Variants in TENM4 observed in about 807,000 individuals in gnomAD.
TENM4 encodes teneurin transmembrane protein 4.
Under a neutral mutation model 243.3 loss-of-function variants are expected in TENM4, and 82 were observed. The ratio of observed to expected loss-of-function variants is 0.34; its 90% confidence interval spans 0.28 to 0.40. The LOEUF is 0.40. Among genes scored for constraint, TENM4 ranks in the 10% least tolerant of loss-of-function variants. The pLI, the probability that TENM4 is intolerant of heterozygous loss-of-function variation, is 1.00. For synonymous variants in TENM4, 1,412 were observed against 1,456.3 expected, an observed-to-expected ratio of 0.97 and a Z score of 0.69; for missense variants, 3,138 against 3,673.3, an observed-to-expected ratio of 0.85 and a Z score of 3.77.
At chr11:78,833,396 A>G (rs1244240587) in intron 12 of TENM4, among the ~76,000 whole-genome samples, 1 of 152,206 alleles carries the variant, frequency 6.6e-6, no homozygotes, top group African/African-American at 2.4e-5. Flanking sequence ...AATCTAATGG[A>G]AAGGCGTCAT....
Position 79,305,753 on chromosome 11 carries a change from C to T in TENM4, c.-320-8210G>A, listed in dbSNP as rs762861790. ...TTGAGATAATCAGTCTGGCTGCATT[C>T]GAGACAGACTAGAGGGATGAGGCTA... On this transcript the variant is annotated intron_variant, in intron 1 of 33. Coordinates refer to ENST00000278550, the MANE Select transcript of TENM4 (RefSeq NM_001098816.3). Among the ~76,000 whole-genome samples the T allele has an allele frequency of 3.3e-5, 5 of 152,152 alleles. No homozygotes were observed. In the East Asian group the frequency reaches 5.8e-4, roughly 18 times the overall value.
intron 6 of TENM4, among the ~76,000 whole-genome samples, chr11:78,967,797 C>T (rs1857467524): frequency 6.6e-6 from 1 of 152,196 alleles, no homozygotes; most frequent in South Asian, 2.1e-4. Flanking sequence ...TCACACCCGA[C>T]TCCAACAACC....
At chr11:78,986,545 G>T (rs1217345628) in intron 6 of TENM4, among the ~76,000 whole-genome samples, 6 of 152,070 alleles carry the variant, frequency 3.9e-5, no homozygotes, top group African/African-American at 1.2e-4. Flanking sequence ...GGTTCTTTGG[G>T]TGACTGCCAG....
intron 1 of TENM4, among the ~76,000 whole-genome samples, chr11:79,376,176 G>A (rs1252118264): frequency 6.6e-6 from 1 of 152,210 alleles, no homozygotes; most frequent in Non-Finnish European, 1.5e-5. Context: ...TGGAAGACAA[G>A]CCCTGTCAGC....
At chr11:79,253,672 G>A (rs896637173) in intron 2 of TENM4, among the ~76,000 whole-genome samples, 3 of 152,170 alleles carry the variant, frequency 2.0e-5, no homozygotes, top group African/African-American at 7.2e-5. Flanking sequence ...TTTCTGTGGG[G>A]TGGGAATGGG....
At chr11:79,234,464 G>A (rs775614760) in intron 2 of TENM4, among the ~76,000 whole-genome samples, 7 of 150,496 alleles carry the variant, frequency 4.7e-5, no homozygotes, top group Non-Finnish European at 8.8e-5. Flanking sequence ...ATGGGGCTGA[G>A]CTCAATTTCT....
chr11:79,096,928 G>GCGCGCACACACACACA (rs1491382120), intron 4 of TENM4: 2 of 133,888 alleles, frequency 1.5e-5, no homozygotes, highest in African/African-American at 5.3e-5. Flanking sequence ...GCGCGCGCGC[G>GCGCGCACACACACACA]CACACACACA....
intron 4 of TENM4, among the ~76,000 whole-genome samples, chr11:79,112,376 G>A (rs940669814): frequency 6.6e-6 from 1 of 152,132 alleles, no homozygotes; most frequent in Non-Finnish European, 1.5e-5. Flanking sequence ...GAGAGACCTG[G>A]TTGTAAGCCC....
At chr11:79,265,528 A>T (rs1855869507) in intron 2 of TENM4, among the ~76,000 whole-genome samples, 1 of 83,946 alleles carries the variant, frequency 1.2e-5, no homozygotes, top group Admixed American at 1.3e-4. Flanking sequence ...ATGTATGATT[A>T]AAATTAATTT....
At chr11:79,237,450 G>A (rs184885865) in intron 2 of TENM4, among the ~76,000 whole-genome samples, 1 of 152,340 alleles carries the variant, frequency 6.6e-6, no homozygotes, top group African/African-American at 2.4e-5. Flanking sequence ...GCCGAGGCAG[G>A]CGGATCACCT....
chr11:79,161,410 G>A (rs1862743851), intron 3 of TENM4, among the ~76,000 whole-genome samples: 2 of 152,228 alleles, frequency 1.3e-5, no homozygotes, highest in Non-Finnish European at 2.9e-5. Context: ...ACATGGTTTT[G>A]CAGATGTAAT....
chr11:78,670,644 T>C, intron 31 of TENM4, 93 bp from the exon 32 acceptor site: 1 of 1,247,600 alleles, frequency 8.0e-7, no homozygotes, highest in South Asian at 1.4e-5. Context: ...GGAATGAATG[T>C]CCAAGGAGAA....
chr11:79,344,142 C>T (rs1194422442), intron 1 of TENM4, among the ~76,000 whole-genome samples: 54 of 152,182 alleles, frequency 3.5e-4, no homozygotes, highest in Admixed American at 3.5e-3. Flanking sequence ...ACACAGTAGG[C>T]ACTTAATAAA....
At chr11:78,984,221 G>C (rs1009506062) in intron 6 of TENM4, among the ~76,000 whole-genome samples, 2 of 152,116 alleles carry the variant, frequency 1.3e-5, no homozygotes, top group Non-Finnish European at 2.9e-5. Flanking sequence ...GCAAAATGGG[G>C]ATTTACAACC....
At position 78,979,326 on chromosome 11, in the gene TENM4, A is replaced by T. The variant is rs116071421; in HGVS notation, c.494-75803T>A. Among the ~76,000 whole-genome samples the T allele has an allele frequency of 2.5e-3, 380 of 152,308 alleles. 4 individuals are homozygous for T. Among genetic ancestry groups the T allele is most frequent in the African/African-American group, 8.2e-3 (342 of 41,564 alleles). ...TTAGGTCCCTCACCTGCCTTTGGGA[A>T]GTTCCCAGTTTAGTGGCTGAGCAAA... On this transcript the variant is annotated intron_variant, in intron 6 of 33. Transcript: ENST00000278550.
At chr11:78,688,019 C>T (rs1468173139) in intron 29 of TENM4, 35 bp downstream of exon 29, 1 of 1,607,772 alleles carries the variant, frequency 6.2e-7, no homozygotes, top group Admixed American at 1.7e-5. Context: ...TCCCACCCCT[C>T]TGCCTCAAAG....
intron 4 of TENM4, among the ~76,000 whole-genome samples, chr11:79,098,561 C>T (rs1861144939): frequency 6.6e-6 from 1 of 152,228 alleles, no homozygotes; most frequent in Non-Finnish European, 1.5e-5. Context: ...CTGAGTCCAT[C>T]AGAATTTGCT....
intron 2 of TENM4, among the ~76,000 whole-genome samples, chr11:79,275,605 C>A (rs546469778): frequency 6.6e-6 from 1 of 152,302 alleles, no homozygotes; most frequent in East Asian, 1.9e-4. Context: ...TGATTCCTGC[C>A]CATCTCTCCA....
intron 1 of TENM4, among the ~76,000 whole-genome samples, chr11:79,300,284 C>T (rs1344462739): frequency 6.6e-6 from 1 of 152,186 alleles, no homozygotes; most frequent in Non-Finnish European, 1.5e-5. Context: ...ACACAATGTA[C>T]ATTCAGATGC....
Sources: gnomAD v4.1 joint callset for allele counts (sites outside exome capture counted in the v4.1 genomes callset) on GRCh38, gnomAD v4.1.1 for gene constraint, MANE v1.5 for transcripts, NCBI Gene and HGNC (gene_info 2026-07-23, HGNC 2026-07-21) for gene names.